Variants in SMAD3 observed in about 807,000 individuals in gnomAD.
The protein encoded by SMAD3 is MAD homolog 3.
SMAD3 carries 12 observed loss-of-function variants against 51.8 expected under a neutral mutation model. The ratio of observed to expected loss-of-function variants is 0.23; its 90% CI spans 0.15 to 0.38. The LOEUF (loss-of-function observed/expected upper bound fraction) is 0.38, where lower values mean the gene tolerates loss of function less well. SMAD3 is among the 10% of genes least tolerant of loss of function. The probability of loss-of-function intolerance (pLI) is 1.00; values close to 1 mark genes in which losing one functional copy is unlikely to be tolerated. For missense variants in SMAD3, 294 were observed against 565.6 expected (o/e 0.52, Z 4.87); for synonymous variants, 238 against 227.7 (o/e 1.05, Z -0.41).
At chr15:67,167,030 A>G (rs1962611372) in intron 4 of SMAD3, among the ~76,000 whole-genome samples, 177 bp downstream of exon 4, 1 of 152,180 alleles carries the variant, frequency 6.6e-6, no homozygotes, top group African/African-American at 2.4e-5. Context: ...AGCTGCTCAC[A>G]GATGATGGGG....
intron 1 of SMAD3, among the ~76,000 whole-genome samples, chr15:67,088,076 G>A (rs764054143): frequency 4.6e-5 from 7 of 152,172 alleles, no homozygotes; most frequent in South Asian, 2.1e-4. Flanking sequence ...GAGCTGGAGC[G>A]GAGAGGGGTC....
chr15:67,083,567 G>A (rs2064648214), intron 1 of SMAD3, among the ~76,000 whole-genome samples: 1 of 152,024 alleles, frequency 6.6e-6, no homozygotes, highest in African/African-American at 2.4e-5. Context: ...CCATATGCTG[G>A]ACATCATTCT....
intron 1 of SMAD3, among the ~76,000 whole-genome samples, chr15:67,150,798 C>CTTTTTTTT (rs774186264): frequency 8.4e-5 from 3 of 35,524 alleles, no homozygotes; most frequent in Non-Finnish European, 1.5e-4. Flanking sequence ...CCATGTCCTG[C>CTTTTTTTT]TTTTTTTTTT....
At chr15:67,148,591 C>G (rs957388106) in intron 1 of SMAD3, among the ~76,000 whole-genome samples, 1 of 152,210 alleles carries the variant, frequency 6.6e-6, no homozygotes, top group African/African-American at 2.4e-5. Context: ...TAACTGGCAC[C>G]TGTGGCTGTC....
chr15:67,162,886 C>T (rs1465964649), intron 1 of SMAD3, among the ~76,000 whole-genome samples: 1 of 151,954 alleles, frequency 6.6e-6, no homozygotes, highest in East Asian at 1.9e-4. Flanking sequence ...GTCATACACT[C>T]TTGGGGTTCC....
chr15:67,181,239 A>T lies in SMAD3; in HGVS notation c.659-2A>T. On this transcript the variant is annotated splice_acceptor_variant, in intron 5 of 8. Coordinates refer to ENST00000327367, the MANE Select transcript of SMAD3 (RefSeq NM_005902.4). LOFTEE classifies it high-confidence loss of function. ...ACCCAGTAGCCCACCCTGTGTCCAC[A>T]GACCTGCAGCCAGTTACCTACTGCG... The T allele has an allele frequency of 6.2e-7, 1 of 1,612,238 alleles. No homozygotes were observed. The highest frequency in any genetic ancestry group is 8.5e-7 in the Non-Finnish European group (1 of 1,179,748).
intron 6 of SMAD3, among the ~76,000 whole-genome samples, chr15:67,182,661 C>T (rs922759161): frequency 6.6e-6 from 1 of 151,378 alleles, no homozygotes; most frequent in Non-Finnish European, 1.5e-5. Context: ...TCTGTGCTCT[C>T]ATTTTCTAGG....
At position 67,194,148 on chromosome 15, in the gene SMAD3, AAAAT is replaced by A; in HGVS notation, c.*3616_*3619del. ...CTTGGCTAGAGTTGGGAGTTCCCCC[AAAAT>A]AAACGTGTCCCCATTTTACCAGAAC... On this transcript the variant is annotated 3_prime_UTR_variant, in exon 9 of 9. Transcript: ENST00000327367. The A allele has an allele frequency of 4.3e-6, 1 of 233,496 alleles. No homozygotes were observed. The highest frequency in any genetic ancestry group is 8.5e-6 in the Non-Finnish European group (1 of 118,066). 14.5% of individuals were successfully genotyped at this position (233,496 alleles called of 1,614,324 possible).
chr15:67,180,609 A>G (rs1366183400), intron 5 of SMAD3, among the ~76,000 whole-genome samples: 5 of 151,060 alleles, frequency 3.3e-5, no homozygotes, highest in Admixed American at 6.6e-5. Flanking sequence ...TCTGCAGATG[A>G]TGCCTGGTGT....
chr15:67,077,600 C>T (rs1418967207), intron 1 of SMAD3, among the ~76,000 whole-genome samples: 2 of 152,132 alleles, frequency 1.3e-5, no homozygotes, highest in African/African-American at 2.4e-5. Flanking sequence ...GTGGAAGAGA[C>T]ACTATAGTGA....
chr15:67,083,210 C>T (rs1960315206), intron 1 of SMAD3, among the ~76,000 whole-genome samples: 1 of 152,256 alleles, frequency 6.6e-6, no homozygotes, highest in African/African-American at 2.4e-5. Flanking sequence ...TCCAAGTTCA[C>T]CACTCATAGA....
At chr15:67,114,219 CCTCTCTCTCGCCCA>C (rs959607059) in intron 1 of SMAD3, among the ~76,000 whole-genome samples, 1 of 152,162 alleles carries the variant, frequency 6.6e-6, no homozygotes, top group Non-Finnish European at 1.5e-5. Context: ...GCTGGAGGGT[CCTCTCTCTCGCCCA>C]CTCCCTCTGA....
chr15:67,153,443 C>T (rs564906941), intron 1 of SMAD3, among the ~76,000 whole-genome samples: 2 of 139,066 alleles, frequency 1.4e-5, no homozygotes, highest in South Asian at 2.2e-4. Context: ...AAGATCACTC[C>T]GCTGTACTCC....
At chr15:67,159,075 AT>A (rs201708159) in intron 1 of SMAD3, among the ~76,000 whole-genome samples, 108 of 146,494 alleles carry the variant, frequency 7.4e-4, no homozygotes, top group Non-Finnish European at 8.5e-4. Context: ...GGGGAAAAGA[AT>A]TTTTTTTTTT....
At chr15:67,136,577 C>T (rs1417294741) in intron 1 of SMAD3, among the ~76,000 whole-genome samples, 2 of 152,150 alleles carry the variant, frequency 1.3e-5, no homozygotes, top group African/African-American at 4.8e-5. Context: ...GTGATCTGCC[C>T]ACCTCAGCCT....
At chr15:67,183,595 C>T (rs1963142975) in intron 6 of SMAD3, among the ~76,000 whole-genome samples, 1 of 152,094 alleles carries the variant, frequency 6.6e-6, no homozygotes, top group Non-Finnish European at 1.5e-5. Context: ...TCGGTCACCT[C>T]GTGTTCATCC....
Position 67,192,238 on chromosome 15 carries a change from C to A in SMAD3, c.*1702C>A, listed in dbSNP as rs1254571065. The A allele has an allele frequency of 8.6e-6, 2 of 232,898 alleles. No homozygotes were observed. The highest frequency in any genetic ancestry group is 1.7e-5 in the Non-Finnish European group (2 of 117,572). 14.4% of individuals were successfully genotyped at this position (232,898 alleles called of 1,614,324 possible). On this transcript the variant is annotated 3_prime_UTR_variant, in exon 9 of 9. Coordinates refer to ENST00000327367, the MANE Select transcript of SMAD3 (RefSeq NM_005902.4). Reference sequence around the variant, plus strand: ...CTTCCTGATGCCTCATCTGCAGGGTCCTGTGCCTCTGAAGTTCTAGCCATG... The same window carrying A: ...CTTCCTGATGCCTCATCTGCAGGGTACTGTGCCTCTGAAGTTCTAGCCATG...
intron 1 of SMAD3, among the ~76,000 whole-genome samples, chr15:67,098,372 A>C (rs753011163): frequency 5.7e-5 from 8 of 140,074 alleles, no homozygotes; most frequent in Non-Finnish European, 1.1e-4. Flanking sequence ...GCAAGCAAGC[A>C]AGCAAGCCAG....
intron 7 of SMAD3, 43 bp downstream of exon 7, chr15:67,184,907 CG>C: frequency 6.2e-7 from 1 of 1,610,908 alleles, no homozygotes; most frequent in Non-Finnish European, 8.5e-7. Flanking sequence ...GGTCCCTCTC[CG>C]AGTGCATGCC....
Sources: gnomAD v4.1 joint callset for allele counts (sites outside exome capture counted in the v4.1 genomes callset) on GRCh38, gnomAD v4.1.1 for gene constraint, MANE v1.5 for transcripts, NCBI Gene and HGNC (gene_info 2026-07-23, HGNC 2026-07-21) for gene names.